Variants in OTOA observed in about 807,000 individuals in gnomAD.
OTOA encodes cancer/testis antigen 108.
OTOA carries 70 observed loss-of-function variants against 110.8 expected under a neutral mutation model. The observed-to-expected ratio is 0.63, with a 90% CI of 0.52 to 0.77. The LOEUF (loss-of-function observed/expected upper bound fraction) is 0.77. OTOA is among the 30% of genes least tolerant of loss of function. The pLI is 0.00. For missense variants in OTOA, 917 were observed against 1,075.8 expected (o/e 0.85, Z 2.06); for synonymous variants, 373 against 431.5 (o/e 0.86, Z 1.68).
intron 12 of OTOA, among the ~76,000 whole-genome samples, chr16:21,708,287 C>T (rs1898253241): frequency 6.6e-6 from 1 of 152,160 alleles, no homozygotes; most frequent in Admixed American, 6.5e-5. Context: ...CCCTTGCATG[C>T]ACAGTGCACA....
At chr16:21,705,489 G>A in intron 12 of OTOA, 197 bp downstream of exon 12, 1 of 800,478 alleles carries the variant, frequency 1.2e-6, no homozygotes, top group South Asian at 1.8e-5. Flanking sequence ...CAAAGGAACA[G>A]ACCCTGGGGA....
At position 21,673,951 on chromosome 16, in the gene OTOA, C is replaced by T. The variant is rs1317412610; in HGVS notation, c.-4-4560C>T. On this transcript the variant is annotated intron_variant, in intron 1 of 28. Transcript: ENST00000646100. ...TAGCTGGGACTACAGGCGCCCACCA[C>T]CACGCCTAGCTAATTTTTTGTATTT... is the stretch of plus-strand genomic sequence containing the variant. 2.0e-5 allele frequency among the ~76,000 whole-genome samples: 3 copies of T among 152,032 alleles called. 1 individual carries two copies. Among genetic ancestry groups the T allele is most frequent in the South Asian group, 4.2e-4 (2 of 4,814 alleles).
chr16:21,734,639 G>A lies in OTOA; in HGVS notation c.2302-1622G>A, dbSNP rs371264232. ...ATCACGAGGTCAGGAGATTGAGACC[G>A]TCCTGGCTAAGAGGGTGAAACCCCG... is the stretch of plus-strand genomic sequence containing the variant. On this transcript the variant is annotated intron_variant, in intron 21 of 28. Transcript: ENST00000646100. Among the ~76,000 whole-genome samples the A allele has an allele frequency of 3.5e-4, 53 of 152,086 alleles. 1 individual carries two copies. In the East Asian group the frequency reaches 3.9e-3, roughly 11 times the overall value.
intron 6 of OTOA, chr16:21,684,344 C>A (rs1437734329): frequency 7.3e-7 from 1 of 1,375,872 alleles, no homozygotes; most frequent in Non-Finnish European, 9.5e-7. Flanking sequence ...AGAACAATTC[C>A]CCAGACAGCA....
chr16:21,685,228 A>G lies in OTOA; in HGVS notation c.268-2A>G, dbSNP rs770892393. 1.2e-6 allele frequency: 2 copies of G among 1,611,378 alleles called. No homozygotes were observed. The highest frequency in any genetic ancestry group is 2.2e-5 in the East Asian group (1 of 44,740). ...CCGACTCTCCCAACACCCCAAATACAGGCAGCCGTGGAAAACCACCTGGAG... is the reference window on the plus strand; with the variant it reads ...CCGACTCTCCCAACACCCCAAATACGGGCAGCCGTGGAAAACCACCTGGAG... On this transcript the variant is annotated splice_acceptor_variant, in intron 6 of 28. Transcript: ENST00000646100. LOFTEE classifies it high-confidence loss of function.
chr16:21,682,760 T>C (rs1351707802), intron 6 of OTOA, among the ~76,000 whole-genome samples: 1 of 145,824 alleles, frequency 6.9e-6, no homozygotes, highest in Admixed American at 6.8e-5. Context: ...AATTAATGAA[T>C]AAAGTTCTGA....
At chr16:21,686,662 T>C (rs1441854063) in intron 7 of OTOA, among the ~76,000 whole-genome samples, 1 of 152,000 alleles carries the variant, frequency 6.6e-6, no homozygotes, top group East Asian at 1.9e-4. Flanking sequence ...CCTAGCACTT[T>C]GGGAGGTTGT....
chr16:21,665,747 A>C (rs1966839540), intron 1 of OTOA, among the ~76,000 whole-genome samples: 1 of 152,018 alleles, frequency 6.6e-6, no homozygotes. Flanking sequence ...TGTGCCTAAA[A>C]TCTCACTATT....
Position 21,700,916 on chromosome 16 carries a change from C to G in OTOA, c.869C>G (p.Ala290Gly). 1 of 1,614,052 alleles carries G rather than the reference C, an allele frequency of 6.2e-7. No homozygotes were observed. ...EIGLFISYDN[A>G]TKQLDMVYDI... ...GGGCTGTTTATCAGCTATGACAACG[C>G]CACCAAGCAGCTGGACATGGTCTAT... The change falls in exon 11 of 29, where the codon GCC (alanine) becomes GGC (glycine). Residue 290 changes from alanine to glycine, a missense_variant. Around this residue, in one of 6 missense-constraint regions of OTOA, gnomAD observed 840 missense variants for 910.2 expected, o/e 0.92. Transcript: ENST00000646100.
At chr16:21,698,971 A>G (rs979805802) in intron 10 of OTOA, among the ~76,000 whole-genome samples, 14 of 152,052 alleles carry the variant, frequency 9.2e-5, no homozygotes, top group African/African-American at 3.1e-4. Context: ...TTATTTATGA[A>G]ATGGAGTCTC....
intron 20 of OTOA, 118 bp downstream of exon 20, chr16:21,728,549 A>G (rs995179983): frequency 2.4e-6 from 3 of 1,252,172 alleles, no homozygotes; most frequent in African/African-American, 3.1e-5. Flanking sequence ...TAAAATTCTT[A>G]TGCTTATTTT....
chr16:21,691,639 C>G lies in OTOA; in HGVS notation c.691C>G (p.Leu231Val), dbSNP rs1056841301. Reference sequence around the variant, plus strand: ...AACCTCGGCTCATTCCCAGAGAGCTCTCTATTCCTGGATGACTGGAATACT... The same window carrying G: ...AACCTCGGCTCATTCCCAGAGAGCTGTCTATTCCTGGATGACTGGAATACT... ...DKTSAHSQRA[L>V]YSWMTGILQT... is the part of the protein sequence containing the mutation. The change falls in exon 9 of 29, where the codon CTC (leucine) becomes GTC (valine). Residue 231 changes from leucine (L) to valine (V), a missense_variant. Leu to Val is a conservative substitution (Grantham distance 32, BLOSUM62 1). This residue lies in a region of OTOA where 840 missense variants were observed against 910.2 expected (regional missense o/e 0.92). Coordinates refer to ENST00000646100, the MANE Select transcript of OTOA (RefSeq NM_144672.4). The G allele has an allele frequency of 6.2e-7, 1 of 1,614,022 alleles. No homozygotes were observed. Among genetic ancestry groups the G allele is most frequent in the Non-Finnish European group, 8.5e-7 (1 of 1,179,962 alleles).
rs543448434 is a variant in OTOA at position 21,692,540 on chromosome 16, A to T, written c.739+853A>T. On this transcript the variant is annotated intron_variant, in intron 9 of 28. Transcript: ENST00000646100. ...ATGGTGGTACAGTTTCGATTTTGCAAGGTTCAAAATATTCTGGATATGGCT... is the reference window on the plus strand; with the variant it reads ...ATGGTGGTACAGTTTCGATTTTGCATGGTTCAAAATATTCTGGATATGGCT... Among the ~76,000 whole-genome samples, 3 of 152,234 alleles carry T rather than the reference A, an allele frequency of 2.0e-5. No homozygotes were observed. In the East Asian group the frequency reaches 5.8e-4, roughly 29 times the overall value.
In OTOA at chr16:21,684,306, TG is replaced by T. The variant is rs1266779485; in HGVS notation, c.268-921del. The T allele has an allele frequency of 3.1e-6, 4 of 1,306,440 alleles. No homozygotes were observed. In the African/African-American group the frequency reaches 6.0e-5, roughly 19 times the overall value. The allele number at this position is 1,306,440 out of a possible 1,614,324, so 80.9% of individuals were successfully genotyped here. A position where few individuals can be genotyped will look rare whatever the true frequency, so the allele number is the denominator to read the frequency against. ...TCACCTTTTGCCCATGACATCACAC[TG>T]GGCATGTCTGTTTAACGGAGATTTA... On this transcript the variant is annotated intron_variant, in intron 6 of 28. Transcript: ENST00000646100.
chr16:21,672,256 C>T (rs913784564), intron 1 of OTOA, among the ~76,000 whole-genome samples: 3 of 152,068 alleles, frequency 2.0e-5, no homozygotes, highest in Non-Finnish European at 4.4e-5. Context: ...GTAGTGTATT[C>T]CTTTTCCTAT....
At chr16:21,725,530 C>T (rs1160092052) in intron 18 of OTOA, among the ~76,000 whole-genome samples, 1 of 151,840 alleles carries the variant, frequency 6.6e-6, no homozygotes. Flanking sequence ...TCAGGTGACC[C>T]ACCTTGGCCT....
At chr16:21,688,669 G>A (rs777488984) in intron 8 of OTOA, among the ~76,000 whole-genome samples, 7 of 152,030 alleles carry the variant, frequency 4.6e-5, no homozygotes, top group Admixed American at 1.3e-4. Flanking sequence ...GCACCTTCTC[G>A]CTGTGTCCCC....
intron 12 of OTOA, among the ~76,000 whole-genome samples, chr16:21,708,026 C>T (rs1032373444): frequency 6.6e-6 from 1 of 151,774 alleles, no homozygotes; most frequent in Non-Finnish European, 1.5e-5. Context: ...CTCTTAACCT[C>T]GTGATCCGCC....
intron 9 of OTOA, among the ~76,000 whole-genome samples, chr16:21,694,943 TA>T (rs1452151275): frequency 6.6e-6 from 1 of 152,156 alleles, no homozygotes; most frequent in Non-Finnish European, 1.5e-5. Context: ...TCTCTGTCTT[TA>T]TTGCCAGAGT....
Sources: allele counts gnomAD v4.1 joint callset (sites outside exome capture counted in the v4.1 genomes callset), GRCh38; gene constraint gnomAD v4.1.1; regional missense constraint gnomAD v4.1.1; transcripts MANE v1.5; gene names NCBI Gene and HGNC (gene_info 2026-07-23, HGNC 2026-07-21).